Variants in SEC14L1 observed in about 807,000 individuals in gnomAD.
SEC14L1 encodes the protein SEC14-like protein 1.
In SEC14L1, 48 loss-of-function variants were observed where a neutral mutation model predicts 85.3. That is an observed-to-expected ratio of 0.56 (90% CI 0.45 to 0.72). The LOEUF is 0.72. Ranked by LOEUF, SEC14L1 falls within the 30% of genes least tolerant of loss-of-function variation. The probability of loss-of-function intolerance (pLI) is 0.00; values close to 1 mark genes in which losing one functional copy is unlikely to be tolerated. For missense variants in SEC14L1, 682 were observed against 921.4 expected, an observed-to-expected ratio of 0.74 and a Z score of 3.36; for synonymous variants, 391 against 355.5, an observed-to-expected ratio of 1.10 and a Z score of -1.12.
At chr17:77,141,211 C>T (rs1020014992) in intron 1 of SEC14L1, 104 bp downstream of exon 1, 2 of 151,634 alleles carry the variant, frequency 1.3e-5, no homozygotes, top group Non-Finnish European at 1.5e-5. Flanking sequence ...CCCGGCCGCC[C>T]GCTTGCTGAG....
intron 3 of SEC14L1, 113 bp downstream of exon 3, chr17:77,143,772 C>G: frequency 2.6e-6 from 2 of 757,268 alleles, no homozygotes; most frequent in South Asian, 3.5e-5. Flanking sequence ...CTTGAACTTA[C>G]TCTGTTTTTA....
chr17:77,128,460 G>GTT (rs777310932), intron 3 of SEC14L1, among the ~76,000 whole-genome samples: 3 of 104,618 alleles, frequency 2.9e-5, no homozygotes, highest in Non-Finnish European at 4.0e-5. Flanking sequence ...ATTTTATTAT[G>GTT]TTTTTTTTTT....
intron 1 of SEC14L1, 59 bp from the exon 2 acceptor site, chr17:77,142,587 G>A (rs1258158240): frequency 6.7e-6 from 1 of 148,328 alleles, no homozygotes; most frequent in East Asian, 2.0e-4. Context: ...AAGGAATCTT[G>A]GAAGTTTCTG....
intron 3 of SEC14L1, among the ~76,000 whole-genome samples, chr17:77,153,658 AGTCTGGCCTGGGGCTGAGGAGGTGGGT>A (rs759382525): frequency 1.4e-4 from 22 of 152,088 alleles, no homozygotes; most frequent in Non-Finnish European, 3.1e-4. Context: ...ACTTGGCAGG[AGTCTGGCCTGGGGCTGAGGAGGTGGGT>A]GGTGTTTGTG....
chr17:77,214,228 C>G lies in SEC14L1; in HGVS notation c.*205C>G. 3 of 1,381,850 alleles carry G rather than the reference C, an allele frequency of 2.2e-6. No individual in the cohort carries two copies. The highest frequency in any genetic ancestry group is 2.8e-6 in the Non-Finnish European group (3 of 1,071,014). 85.6% of individuals were successfully genotyped at this position (1,381,850 alleles called of 1,614,324 possible). On this transcript the variant is annotated 3_prime_UTR_variant, in exon 17 of 17. Transcript: ENST00000436233. ...CTCTGATCCTAACTTAACTCAATAGCCATAGATTTTGTATACGTTGTGCAC... is the reference window on the plus strand; with the variant it reads ...CTCTGATCCTAACTTAACTCAATAGGCATAGATTTTGTATACGTTGTGCAC...
Position 77,209,343 on chromosome 17 carries a change from G to T in SEC14L1, c.1478G>T (p.Cys493Phe), listed in dbSNP as rs1272063588. Residue 493 changes from cysteine to phenylalanine, a missense_variant and splice_region_variant, in exon 14 of 17, where the codon TGC (cysteine) becomes TTC (phenylalanine). By Grantham distance (205) the Cys-to-Phe change is radical (BLOSUM62 -2). Transcript: ENST00000436233. ...TCACTGCTGTGTTTCTTCTTCCAGTGCGAAGTGCCAGAGGGTGGACTGGTC... is the reference window on the plus strand; with the variant it reads ...TCACTGCTGTGTTTCTTCTTCCAGTTCGAAGTGCCAGAGGGTGGACTGGTC... ...IPDFLSGECM[C>F]EVPEGGLVPK... 3.7e-6 allele frequency: 6 copies of T among 1,613,932 alleles called. No individual in the cohort carries two copies. The highest frequency in any genetic ancestry group is 5.1e-6 in the Non-Finnish European group (6 of 1,179,988).
intron 3 of SEC14L1, among the ~76,000 whole-genome samples, chr17:77,186,716 C>G (rs932364329): frequency 1.3e-5 from 2 of 152,220 alleles, no homozygotes; most frequent in African/African-American, 4.8e-5. Context: ...CTTCTGGGAT[C>G]TTGATGGCAG....
At chr17:77,106,258 G>A (rs1055344482) in intron 3 of SEC14L1, among the ~76,000 whole-genome samples, 1 of 152,112 alleles carries the variant, frequency 6.6e-6, no homozygotes, top group East Asian at 1.9e-4. Context: ...AGGAGGCCAG[G>A]TGTGGTGGCT....
chr17:77,146,827 A>G (rs1973333081), intron 3 of SEC14L1, among the ~76,000 whole-genome samples: 1 of 152,156 alleles, frequency 6.6e-6, no homozygotes, highest in Non-Finnish European at 1.5e-5. Flanking sequence ...GTAGACTGTG[A>G]GTGATGTTTG....
At position 77,200,634 on chromosome 17, in the gene SEC14L1, C is replaced by T; in HGVS notation, c.970C>T (p.Gln324Ter). The T allele has an allele frequency of 6.2e-7, 1 of 1,614,004 alleles. No homozygotes were observed. Among genetic ancestry groups the T allele is most frequent in the Non-Finnish European group, 8.5e-7 (1 of 1,179,966 alleles). Residue 324 changes from glutamine to a stop codon, truncating the protein, a stop_gained, in exon 9 of 17, where the codon CAG becomes TAG. Coordinates refer to ENST00000436233, the MANE Select transcript of SEC14L1 (RefSeq NM_001143998.2). LOFTEE classifies it high-confidence loss of function. ...LETWTPPQVL[Q>*]DYYAGGWHHH... Reference sequence around the variant, plus strand: ...AACCTGGACCCCTCCTCAGGTCCTTCAGGATTACTACGCGGGAGGCTGGCA... The same window carrying T: ...AACCTGGACCCCTCCTCAGGTCCTTTAGGATTACTACGCGGGAGGCTGGCA...
chr17:77,166,536 T>C (rs1252219545), intron 3 of SEC14L1, among the ~76,000 whole-genome samples: 1 of 152,090 alleles, frequency 6.6e-6, no homozygotes, highest in Non-Finnish European at 1.5e-5. Context: ...ACTTATGTCA[T>C]GGAAAGATGA....
chr17:77,097,314 C>A (rs1033475271), intron 3 of SEC14L1, among the ~76,000 whole-genome samples: 5 of 152,152 alleles, frequency 3.3e-5, no homozygotes, highest in African/African-American at 9.7e-5. Flanking sequence ...GCCTGTAATC[C>A]CAGCACTTTG....
At chr17:77,201,277 T>C (rs1976126944) in intron 9 of SEC14L1, among the ~76,000 whole-genome samples, 1 of 152,144 alleles carries the variant, frequency 6.6e-6, no homozygotes, top group African/African-American at 2.4e-5. Flanking sequence ...AGCCAAAGTT[T>C]GAGAGCCGGG....
In SEC14L1 at chr17:77,158,056, A is replaced by G. The variant is rs117386740; in HGVS notation, c.63+14397A>G. 5.9e-4 allele frequency among the ~76,000 whole-genome samples: 90 copies of G among 152,134 alleles called. 1 individual carries two copies. The East Asian group carries it at 0.015, about 25-fold the overall frequency. ...GCCACCGTGCCTGGCCATAACTTCT[A>G]TTTTTGTATTTTTAGTAGAGATGGG... On this transcript the variant is annotated intron_variant, in intron 3 of 16. Transcript: ENST00000436233.
intron 3 of SEC14L1, among the ~76,000 whole-genome samples, chr17:77,104,549 T>A (rs977169339): frequency 4.7e-5 from 7 of 149,638 alleles, no homozygotes; most frequent in Non-Finnish European, 1.0e-4. Flanking sequence ...CCTAGCACTT[T>A]GGGAGGCCGA....
chr17:77,191,703 A>G (rs1284539331), intron 5 of SEC14L1, among the ~76,000 whole-genome samples: 1 of 145,716 alleles, frequency 6.9e-6, no homozygotes, highest in African/African-American at 2.6e-5. Context: ...CCACCACGCC[A>G]GGCTGATTTT....
At chr17:77,143,190 A>G (rs942429050) in intron 2 of SEC14L1, among the ~76,000 whole-genome samples, 3 of 152,228 alleles carry the variant, frequency 2.0e-5, no homozygotes, top group African/African-American at 7.2e-5. Context: ...GAAGTTGTTT[A>G]AGAGAAAATG....
At position 77,213,187 on chromosome 17, in the gene SEC14L1, C is replaced by A; in HGVS notation, c.1864-127C>A. The A allele has an allele frequency of 1.3e-6, 1 of 773,400 alleles. No homozygotes were observed. The highest frequency in any genetic ancestry group is 2.9e-5 in the Admixed American group (1 of 34,340). The allele number at this position is 773,400 out of a possible 1,614,324, so 47.9% of individuals were successfully genotyped here. A position where few individuals can be genotyped will look rare whatever the true frequency, so the allele number is the denominator to read the frequency against. ...TGAAGCAAAATAGCAGGTTCTGAAT[C>A]CCATTGAGATAGTTTCCGTAGCTAC... On this transcript the variant is annotated intron_variant, in intron 15 of 16. Transcript: ENST00000436233. The surrounding 1 kb of genome is among the most constrained non-coding windows in gnomAD (Gnocchi z 7.1).
intron 3 of SEC14L1, among the ~76,000 whole-genome samples, chr17:77,131,604 G>A (rs532750098): frequency 5.4e-4 from 82 of 152,324 alleles, no homozygotes; most frequent in African/African-American, 1.8e-3. Context: ...TGCTCACTGT[G>A]TTCAGAGTAA....
Sources: allele counts gnomAD v4.1 joint callset (sites outside exome capture counted in the v4.1 genomes callset), GRCh38; gene constraint gnomAD v4.1.1; non-coding constraint Gnocchi (gnomAD v3.1); transcripts MANE v1.5; gene names NCBI Gene and HGNC (gene_info 2026-07-23, HGNC 2026-07-21).